The following ARB2A variants were observed in gnomAD, a reference collection of about 807,000 sequenced individuals.
The protein encoded by ARB2A is ARB2 cotranscriptional regulator A, also known as cotranscriptional regulator ARB2A.
At chr5:93,907,237 T>A in the ARB2A span, among the ~76,000 whole-genome samples, 3 of 151,502 alleles carry the variant, frequency 2.0e-5, no homozygotes, top group African/African-American at 7.3e-5. Context: ...AGTGAATGAT[T>A]AATTTTGTTT....
the ARB2A span, among the ~76,000 whole-genome samples, chr5:93,981,671 T>C: frequency 6.6e-5 from 10 of 151,930 alleles, no homozygotes. Context: ...ATAAAATATT[T>C]AATATACATG....
At chr5:94,055,119 TCA>T in the ARB2A span, among the ~76,000 whole-genome samples, 2 of 152,278 alleles carry the variant, frequency 1.3e-5, no homozygotes, top group African/African-American at 4.8e-5. Flanking sequence ...CTATCTGTCA[TCA>T]CAGAGTCATT....
chr5:93,740,131 G>A, the ARB2A span: 1 of 153,502 alleles, frequency 6.5e-6, no homozygotes, highest in South Asian at 2.1e-4. Context: ...TGGATTTTGT[G>A]TTTGTGTTTA....
the ARB2A span, among the ~76,000 whole-genome samples, chr5:94,054,040 A>G: frequency 3.9e-4 from 59 of 152,348 alleles, 1 homozygote; most frequent in Middle Eastern, 3.4e-3. Context: ...AAGTGCTGGG[A>G]TTACAGGCTT....
the ARB2A span, among the ~76,000 whole-genome samples, chr5:93,665,952 T>C: frequency 3.3e-5 from 5 of 152,316 alleles, no homozygotes; most frequent in Non-Finnish European, 7.4e-5. Context: ...AGGTCTAAGC[T>C]TGTCTCACTA....
At chr5:94,063,489 C>T in the ARB2A span, among the ~76,000 whole-genome samples, 4 of 152,180 alleles carry the variant, frequency 2.6e-5, no homozygotes, top group African/African-American at 9.7e-5. Flanking sequence ...GACCCAAGAA[C>T]CCATCCACTG....
the ARB2A span, among the ~76,000 whole-genome samples, chr5:93,830,311 G>GTGTATGTGTGTGTGTATATA: frequency 3.5e-4 from 29 of 82,264 alleles, no homozygotes; most frequent in Admixed American, 1.0e-3. Context: ...GTGTGTGTGT[G>GTGTATGTGTGTGTGTATATA]TATATATATA....
At chr5:93,980,417 A>G in the ARB2A span, among the ~76,000 whole-genome samples, 1 of 152,138 alleles carries the variant, frequency 6.6e-6, no homozygotes, top group Non-Finnish European at 1.5e-5. Flanking sequence ...AAGATTCACT[A>G]TAATACCTAG....
chr5:93,971,636 T>C, the ARB2A span, among the ~76,000 whole-genome samples: 1 of 151,722 alleles, frequency 6.6e-6, no homozygotes, highest in East Asian at 1.9e-4. Context: ...ATTTATTCTA[T>C]CTATTCCATG....
the ARB2A span, among the ~76,000 whole-genome samples, chr5:93,916,626 G>T: frequency 6.6e-6 from 1 of 151,988 alleles, no homozygotes; most frequent in African/African-American, 2.4e-5. Flanking sequence ...TCTCTGTCTT[G>T]GCTTCTTCCA....
chr5:93,976,380 A>G, the ARB2A span, among the ~76,000 whole-genome samples: 1 of 152,184 alleles, frequency 6.6e-6, no homozygotes, highest in Non-Finnish European at 1.5e-5. Context: ...CCTATTCAAG[A>G]TAGTACTGAA....
the ARB2A span, among the ~76,000 whole-genome samples, chr5:93,894,396 G>T: frequency 1.3e-5 from 2 of 150,668 alleles, no homozygotes; most frequent in Non-Finnish European, 3.0e-5. Context: ...ATTTCTTTGT[G>T]TTTTTTTAAT....
the ARB2A span, among the ~76,000 whole-genome samples, chr5:93,881,099 T>C: frequency 6.6e-6 from 1 of 151,660 alleles, no homozygotes; most frequent in Admixed American, 6.6e-5. Flanking sequence ...ATGGACAACA[T>C]AACGGCATGT....
At chr5:93,937,610 CAA>C in the ARB2A span, among the ~76,000 whole-genome samples, 1 of 139,348 alleles carries the variant, frequency 7.2e-6, no homozygotes. Context: ...GACTCCATCT[CAA>C]AAAAAAAAAG....
the ARB2A span, among the ~76,000 whole-genome samples, chr5:94,110,127 C>T: frequency 1.3e-5 from 2 of 152,124 alleles, no homozygotes; most frequent in Non-Finnish European, 2.9e-5. Context: ...TCAGGCAATC[C>T]GTCCGCCTCG....
the ARB2A span, among the ~76,000 whole-genome samples, chr5:93,892,587 G>T: frequency 6.6e-6 from 1 of 151,410 alleles, no homozygotes; most frequent in Middle Eastern, 3.4e-3. Context: ...ACTACCTCTG[G>T]GGGGGGGAAA....
At chr5:93,763,030 A>G in the ARB2A span, among the ~76,000 whole-genome samples, 1 of 152,154 alleles carries the variant, frequency 6.6e-6, no homozygotes, top group Non-Finnish European at 1.5e-5. Context: ...CTGCCCTAAA[A>G]GAGCTCCTGA....
At chr5:94,078,554 C>G in the ARB2A span, among the ~76,000 whole-genome samples, 2 of 152,108 alleles carry the variant, frequency 1.3e-5, no homozygotes, top group Non-Finnish European at 2.9e-5. Flanking sequence ...TCAGGCTGAG[C>G]AGACACGAGA....
chr5:93,976,443 G>T, the ARB2A span, among the ~76,000 whole-genome samples: 10 of 152,114 alleles, frequency 6.6e-5, no homozygotes, highest in Non-Finnish European at 1.0e-4. Flanking sequence ...TATCTGATAT[G>T]GTTTGTTTGG....
Sources: allele counts gnomAD v4.1 joint callset (sites outside exome capture counted in the v4.1 genomes callset), GRCh38; gene constraint gnomAD v4.1.1; transcripts MANE v1.5; gene names NCBI Gene and HGNC (gene_info 2026-07-23, HGNC 2026-07-21).